The following CRISPLD2 variants were observed in gnomAD, a reference collection of about 807,000 sequenced individuals.
The protein encoded by CRISPLD2 is cysteine rich secretory protein LCCL domain containing 2.
CRISPLD2 carries 47 observed loss-of-function variants against 71.1 expected under a neutral mutation model. The observed-to-expected ratio is 0.66, with a 90% CI of 0.52 to 0.84. The LOEUF is 0.84. Among genes scored for constraint, CRISPLD2 ranks in the 40% least tolerant of loss-of-function variants. The pLI, the probability that CRISPLD2 is intolerant of heterozygous loss-of-function variation, is 0.00. For synonymous variants in CRISPLD2, 317 were observed against 250.1 expected, an observed-to-expected ratio of 1.27 and a Z score of -2.52; for missense variants, 830 against 651.1, an observed-to-expected ratio of 1.27 and a Z score of -2.99.
intron 13 of CRISPLD2, among the ~76,000 whole-genome samples, chr16:84,881,037 T>C (rs372327792): frequency 1.3e-5 from 2 of 152,274 alleles, no homozygotes. Flanking sequence ...CACTCATTTC[T>C]GCAAACATTT....
chr16:84,875,809 A>C (rs113882270), intron 11 of CRISPLD2, among the ~76,000 whole-genome samples: 29,853 of 145,636 alleles, frequency 0.2, 3,478 homozygotes, highest in Middle Eastern at 0.29. Flanking sequence ...CAGGTGATCC[A>C]CCCGCCTGGG....
At position 84,873,076 on chromosome 16, in the gene CRISPLD2, G is replaced by T. The variant is rs776789199; in HGVS notation, c.1066G>T (p.Val356Phe). Residue 356 changes from valine (V) to phenylalanine (F), a missense_variant, in exon 10 of 15, where the codon GTC becomes TTC. Val to Phe is a conservative substitution (Grantham distance 50). Transcript: ENST00000262424. The stretch of plus-strand genomic sequence containing the variant: ...GGTGGATATCACCAGGAACGGGAAG[G>T]TCCCCTTCTTCGTGAAGTCTGAGAG... ...GLVDITRNGKVPFFVKSERHG... is the reference protein window; with the variant it reads ...GLVDITRNGKFPFFVKSERHG... 6.2e-7 allele frequency: 1 copy of T among 1,613,964 alleles called. No homozygotes were observed. The highest frequency in any genetic ancestry group is 1.3e-5 in the African/African-American group (1 of 75,004).
At position 84,838,694 on chromosome 16, in the gene CRISPLD2, C is replaced by A; in HGVS notation, c.199C>A (p.Arg67=). Residue 67 remains arginine, a synonymous_variant, in exon 2 of 15, where the codon CGG becomes AGG. Coordinates refer to ENST00000262424, the MANE Select transcript of CRISPLD2 (RefSeq NM_031476.4). ...EEILMLHNKL[R]GQVQPQASNM... ...GATCCTCATGCTGCACAACAAGCTT[C>A]GGGGCCAGGTGCAGCCTCAGGCCTC... is the stretch of plus-strand genomic sequence containing the variant. 6.2e-7 allele frequency: 1 copy of A among 1,614,076 alleles called. No individual in the cohort carries two copies. Among genetic ancestry groups the A allele is most frequent in the Non-Finnish European group, 8.5e-7 (1 of 1,180,026 alleles).
At chr16:84,846,905 C>T (rs186511627) in intron 3 of CRISPLD2, among the ~76,000 whole-genome samples, 8 of 152,332 alleles carry the variant, frequency 5.3e-5, no homozygotes, top group Middle Eastern at 3.4e-3. Context: ...ACCATGTATC[C>T]GTGCTCCCAA....
chr16:84,866,239 G>GTTTTTTTT (rs11409128), intron 6 of CRISPLD2, among the ~76,000 whole-genome samples: 1 of 148,348 alleles, frequency 6.7e-6, no homozygotes, highest in Non-Finnish European at 1.5e-5. Flanking sequence ...TTGTTTTTTG[G>GTTTTTTTT]TTTTTTTTTT....
At position 84,877,384 on chromosome 16, in the gene CRISPLD2, C is replaced by T. The variant is rs560724562; in HGVS notation, c.1157-54C>T. Reference sequence around the variant, plus strand: ...GTGGCCCATTGCACAGCCTGGTAGCCTGAGGCCCAGGCGTGCTGGGACCTG... The same window carrying T: ...GTGGCCCATTGCACAGCCTGGTAGCTTGAGGCCCAGGCGTGCTGGGACCTG... On this transcript the variant is annotated intron_variant, in intron 11 of 14. Transcript: ENST00000262424. 4.5e-5 allele frequency: 70 copies of T among 1,552,836 alleles called. 2 individuals carry two copies. In the Middle Eastern group the frequency reaches 6.8e-4, roughly 15 times the overall value.
intron 13 of CRISPLD2, among the ~76,000 whole-genome samples, chr16:84,881,248 TC>T (rs1343614808): frequency 3.9e-5 from 6 of 152,248 alleles, no homozygotes; most frequent in Non-Finnish European, 8.8e-5. Flanking sequence ...GCACTGTATT[TC>T]TTCTCAGTTA....
At position 84,861,762 on chromosome 16, in the gene CRISPLD2, A is replaced by G. The variant is rs115155661; in HGVS notation, c.710-5135A>G. Among the ~76,000 whole-genome samples the G allele has an allele frequency of 3.4e-3, 514 of 152,276 alleles. 1 individual carries two copies. Among genetic ancestry groups the G allele is most frequent in the African/African-American group, 0.012 (495 of 41,558 alleles). On this transcript the variant is annotated intron_variant, in intron 6 of 14. Coordinates refer to ENST00000262424, the MANE Select transcript of CRISPLD2 (RefSeq NM_031476.4). ...AACATAGCGAGAACCCATCTCTACAAAAAATAAATAGAAAATTAACCAGGT... is the reference window on the plus strand; with the variant it reads ...AACATAGCGAGAACCCATCTCTACAGAAAATAAATAGAAAATTAACCAGGT...
At chr16:84,887,782 A>G (rs1292546166) in intron 13 of CRISPLD2, among the ~76,000 whole-genome samples, 1 of 152,194 alleles carries the variant, frequency 6.6e-6, no homozygotes, top group Non-Finnish European at 1.5e-5. Flanking sequence ...AGGCTGAGGC[A>G]GAAGAACCAC....
chr16:84,820,889 C>G (rs531194276), intron 1 of CRISPLD2, among the ~76,000 whole-genome samples: 2 of 151,976 alleles, frequency 1.3e-5, no homozygotes, highest in Non-Finnish European at 2.9e-5. Flanking sequence ...TGGGGGAGAT[C>G]GGTCGTCCCA....
At chr16:84,849,000 A>AAG (rs1315807740) in intron 3 of CRISPLD2, among the ~76,000 whole-genome samples, 2 of 151,566 alleles carry the variant, frequency 1.3e-5, no homozygotes, top group Admixed American at 6.6e-5. Flanking sequence ...AAAAAAAAAA[A>AAG]AAAGAAAGGA....
At chr16:84,823,681 G>A (rs985604982) in intron 1 of CRISPLD2, among the ~76,000 whole-genome samples, 3 of 152,212 alleles carry the variant, frequency 2.0e-5, no homozygotes, top group African/African-American at 7.2e-5. Flanking sequence ...TTGCAAGGCT[G>A]CGAGGACATC....
chr16:84,893,791 C>G (rs2071682852), intron 14 of CRISPLD2, among the ~76,000 whole-genome samples: 1 of 152,234 alleles, frequency 6.6e-6, no homozygotes. Flanking sequence ...CAGCCACCAT[C>G]TCTGCACAAA....
At position 84,877,289 on chromosome 16, in the gene CRISPLD2, G is replaced by A. The variant is rs183091432; in HGVS notation, c.1157-149G>A. ...TCTTAAGTGCCCCTACGTGGGGTACGAGGAGCCTGCTGGGTCGTAGTCCCA... is the reference window on the plus strand; with the variant it reads ...TCTTAAGTGCCCCTACGTGGGGTACAAGGAGCCTGCTGGGTCGTAGTCCCA... On this transcript the variant is annotated intron_variant, in intron 11 of 14. Coordinates refer to ENST00000262424, the MANE Select transcript of CRISPLD2 (RefSeq NM_031476.4). 1.8e-3 allele frequency: 1,059 copies of A among 595,136 alleles called. 7 individuals are homozygous for A. The African/African-American group carries it at 0.018, about 10-fold the overall frequency. 36.9% of individuals were successfully genotyped at this position (595,136 alleles called of 1,614,324 possible).
At chr16:84,825,323 G>A (rs564614626) in intron 1 of CRISPLD2, among the ~76,000 whole-genome samples, 1 of 152,302 alleles carries the variant, frequency 6.6e-6, no homozygotes, top group East Asian at 1.9e-4. Flanking sequence ...AACACTTTGG[G>A]AGGTCTAGGC....
At chr16:84,837,150 G>C (rs1435986005) in intron 1 of CRISPLD2, among the ~76,000 whole-genome samples, 1 of 152,236 alleles carries the variant, frequency 6.6e-6, no homozygotes, top group Non-Finnish European at 1.5e-5. Context: ...GAGAGGAGGG[G>C]TGTGCGTGGA....
At chr16:84,887,549 T>C (rs887375364) in intron 13 of CRISPLD2, among the ~76,000 whole-genome samples, 4 of 152,240 alleles carry the variant, frequency 2.6e-5, no homozygotes, top group African/African-American at 9.6e-5. Context: ...CAGACACTTA[T>C]GGTGTCATTC....
Position 84,845,559 on chromosome 16 carries a change from A to G in CRISPLD2, c.241-227A>G, listed in dbSNP as rs377326628. ...AGGCCCAGAGAGAAGGCACCTGCCC[A>G]GGACCTCTGGCAAGTTAGAGGCCCA... is the stretch of plus-strand genomic sequence containing the variant. On this transcript the variant is annotated intron_variant, in intron 2 of 14. Coordinates refer to ENST00000262424, the MANE Select transcript of CRISPLD2 (RefSeq NM_031476.4). 6.6e-5 allele frequency among the ~76,000 whole-genome samples: 10 copies of G among 152,376 alleles called. 1 individual carries two copies. The highest frequency in any genetic ancestry group is 5.8e-4 in the East Asian group (3 of 5,186).
chr16:84,888,190 C>A (rs1373499844), intron 13 of CRISPLD2, among the ~76,000 whole-genome samples: 1 of 152,228 alleles, frequency 6.6e-6, no homozygotes, highest in South Asian at 2.1e-4. Flanking sequence ...TTTCCGGCTT[C>A]TAGAGGCCAC....
Sources: allele counts gnomAD v4.1 joint callset (sites outside exome capture counted in the v4.1 genomes callset), GRCh38; gene constraint gnomAD v4.1.1; transcripts MANE v1.5; gene names NCBI Gene and HGNC (gene_info 2026-07-23, HGNC 2026-07-21).